The following SERAC1 variants were observed in gnomAD, a reference collection of about 807,000 sequenced individuals.
SERAC1 encodes the protein serine active site containing 1.
Under a neutral mutation model 85.7 loss-of-function variants are expected in SERAC1, and 36 were observed. The observed-to-expected ratio is 0.42, with a 90% confidence interval of 0.32 to 0.55. The LOEUF (loss-of-function observed/expected upper bound fraction) is 0.55. SERAC1 is among the 20% of genes least tolerant of loss of function. The probability of loss-of-function intolerance (pLI) is 0.11; values close to 1 mark genes in which losing one functional copy is unlikely to be tolerated. For missense variants in SERAC1, 629 were observed against 796.2 expected, an observed-to-expected ratio of 0.79 and a Z score of 2.53; for synonymous variants, 242 against 265.3, an observed-to-expected ratio of 0.91 and a Z score of 0.85.
chr6:158,122,850 T>C (rs998286795), intron 10 of SERAC1, among the ~76,000 whole-genome samples: 2 of 152,192 alleles, frequency 1.3e-5, no homozygotes, highest in South Asian at 2.1e-4. Context: ...CTGTTCTGTG[T>C]CTGTACTTCA....
At position 158,128,277 on chromosome 6, in the gene SERAC1, CAATA is replaced by C; in HGVS notation, c.853-11_853-8del. On this transcript the variant is annotated splice_region_variant and splice_polypyrimidine_tract_variant and intron_variant, in intron 9 of 16. Transcript: ENST00000647468. The stretch of plus-strand genomic sequence containing the variant: ...TATCACAATGTGTGGATATCTGGCA[CAATA>C]AATAAACAGAAGCTCCCTTGACATT... 6.2e-7 allele frequency: 1 copy of C among 1,612,526 alleles called. No individual in the cohort carries two copies. The highest frequency in any genetic ancestry group is 8.5e-7 in the Non-Finnish European group (1 of 1,179,456).
chr6:158,125,547 T>C (rs749288397), intron 10 of SERAC1, among the ~76,000 whole-genome samples: 3 of 151,972 alleles, frequency 2.0e-5, no homozygotes, highest in African/African-American at 4.8e-5. Context: ...CAGCACAAAA[T>C]GAACTAAAGC....
chr6:158,154,657 G>A (rs1350075937), intron 3 of SERAC1, among the ~76,000 whole-genome samples: 1 of 152,200 alleles, frequency 6.6e-6, no homozygotes, highest in Non-Finnish European at 1.5e-5. Flanking sequence ...ACATGCTCCT[G>A]AGGGAGCATC....
intron 2 of SERAC1, among the ~76,000 whole-genome samples, chr6:158,157,864 A>G (rs866841728): frequency 6.6e-6 from 1 of 152,174 alleles, no homozygotes; most frequent in Non-Finnish European, 1.5e-5. Flanking sequence ...AAAGCTTCCT[A>G]AACGAAGGCA....
chr6:158,160,991 T>C (rs997732923), intron 1 of SERAC1: 1 of 152,186 alleles, frequency 6.6e-6, no homozygotes, highest in African/African-American at 2.4e-5. Context: ...TGAAGGTATA[T>C]CCTTTGATAG....
At chr6:158,158,510 A>G in intron 1 of SERAC1, 146 bp from the exon 2 acceptor site, 1 of 545,308 alleles carries the variant, frequency 1.8e-6, no homozygotes, top group Non-Finnish European at 3.2e-6. Flanking sequence ...CCAATTAAAA[A>G]AAAAATTCTC....
intron 1 of SERAC1, among the ~76,000 whole-genome samples, chr6:158,165,707 C>G (rs1785583421): frequency 6.6e-6 from 1 of 152,010 alleles, no homozygotes. Flanking sequence ...TTAACTGAAG[C>G]AAAAAAACAG....
chr6:158,146,744 A>G, intron 6 of SERAC1, 38 bp downstream of exon 6: 2 of 1,609,966 alleles, frequency 1.2e-6, no homozygotes, highest in South Asian at 1.1e-5. Flanking sequence ...ATCAAGAGCC[A>G]GCTGAAGGCA....
intron 3 of SERAC1, among the ~76,000 whole-genome samples, chr6:158,154,191 C>T (rs370623305): frequency 8.7e-4 from 130 of 149,182 alleles, no homozygotes; most frequent in Non-Finnish European, 1.5e-3. Flanking sequence ...GAATCCTCTG[C>T]TCTCTTCGGG....
chr6:158,163,981 C>A (rs555862616), intron 1 of SERAC1, among the ~76,000 whole-genome samples: 1 of 151,792 alleles, frequency 6.6e-6, no homozygotes, highest in African/African-American at 2.4e-5. Context: ...GTGATCCACC[C>A]GCCTCGGCTT....
chr6:158,111,773 G>A (rs1450315386), intron 16 of SERAC1: 1 of 239,814 alleles, frequency 4.2e-6, no homozygotes, highest in East Asian at 8.4e-5. Flanking sequence ...AGAGCAAGCA[G>A]AGATTGAGCA....
intron 8 of SERAC1, among the ~76,000 whole-genome samples, chr6:158,137,156 C>CAA (rs754524031): frequency 1.5e-4 from 15 of 99,288 alleles, no homozygotes; most frequent in African/African-American, 1.5e-4. Context: ...GGCTGTGCCT[C>CAA]AAAAAAAAAA....
chr6:158,148,605 G>A (rs1785127059), intron 5 of SERAC1, among the ~76,000 whole-genome samples: 1 of 151,938 alleles, frequency 6.6e-6, no homozygotes, highest in African/African-American at 2.4e-5. Context: ...ACCACACCTG[G>A]CTAATTTTTG....
intron 4 of SERAC1, among the ~76,000 whole-genome samples, chr6:158,150,228 A>T (rs1443097605): frequency 6.6e-6 from 1 of 152,240 alleles, no homozygotes; most frequent in Non-Finnish European, 1.5e-5. Context: ...TAAAAATGCC[A>T]GTTAGTCTTC....
chr6:158,159,628 CTTT>C (rs201267756), intron 1 of SERAC1, among the ~76,000 whole-genome samples: 2 of 143,318 alleles, frequency 1.4e-5, no homozygotes, highest in Non-Finnish European at 3.1e-5. Flanking sequence ...TTAAGATTAT[CTTT>C]TTTTTTTTTT....
chr6:158,123,668 A>G (rs1784471098), intron 10 of SERAC1, among the ~76,000 whole-genome samples: 1 of 152,236 alleles, frequency 6.6e-6, no homozygotes, highest in South Asian at 2.1e-4. Flanking sequence ...GTTCAGCCAC[A>G]GAGTAGTAAG....
Position 158,120,121 on chromosome 6 carries a change from T to C in SERAC1, c.1166+304A>G, listed in dbSNP as rs1234978764. Among the ~76,000 whole-genome samples, 1 of 152,156 alleles carries C rather than the reference T, an allele frequency of 6.6e-6. No homozygotes were observed. Among genetic ancestry groups the C allele is most frequent in the Non-Finnish European group, 1.5e-5 (1 of 68,024 alleles). On this transcript the variant is annotated intron_variant, in intron 11 of 16. Coordinates refer to ENST00000647468, the MANE Select transcript of SERAC1 (RefSeq NM_032861.4). The surrounding 1 kb of genome is among the most constrained non-coding windows in gnomAD (Gnocchi z 4.4). ...TTATTAACTCAGATCTAAGTGAAAA[T>C]GCCTTGAACCAAAGGAGATATGTAT...
intron 8 of SERAC1, among the ~76,000 whole-genome samples, chr6:158,136,529 G>A (rs1272857027): frequency 6.6e-6 from 1 of 152,154 alleles, no homozygotes; most frequent in Non-Finnish European, 1.5e-5. Flanking sequence ...ATGTTGCCCA[G>A]GTTGGAGTGC....
rs547063682 is a variant in SERAC1, at chr6:158,117,632, G to C, written c.1403+95C>G. ...TCTTCATAAGAAAATCCTGTCTGTG[G>C]CATCAAAAAATTAAAATCACTTCCC... On this transcript the variant is annotated intron_variant, in intron 13 of 16. Coordinates refer to ENST00000647468, the MANE Select transcript of SERAC1 (RefSeq NM_032861.4). This position sits in a 1 kb window ranked among gnomAD's most constrained non-coding sequence, Gnocchi z 4.3. The C allele has an allele frequency of 6.3e-6, 10 of 1,592,172 alleles. No homozygotes were observed. In the Admixed American group the frequency reaches 1.8e-4, roughly 28 times the overall value.
Sources: allele counts gnomAD v4.1 joint callset (sites outside exome capture counted in the v4.1 genomes callset), GRCh38; gene constraint gnomAD v4.1.1; non-coding constraint Gnocchi (gnomAD v3.1); transcripts MANE v1.5; gene names NCBI Gene and HGNC (gene_info 2026-07-23, HGNC 2026-07-21).